FAR1: variants seen among roughly 807,000 people sequenced by gnomAD.
The protein encoded by FAR1 is male sterility domain-containing protein 2.
Under a neutral mutation model 61.1 loss-of-function variants are expected in FAR1, and 22 were observed. The ratio of observed to expected loss-of-function variants is 0.36; its 90% CI spans 0.26 to 0.51. FAR1 has a LOEUF of 0.51. Among genes scored for constraint, FAR1 ranks in the 20% least tolerant of loss-of-function variants. FAR1 has a pLI of 0.95. For missense variants in FAR1, 359 were observed against 626.9 expected, an observed-to-expected ratio of 0.57 and a Z score of 4.56; for synonymous variants, 206 against 209.7, an observed-to-expected ratio of 0.98 and a Z score of 0.15.
chr11:13,705,059 G>A (rs1316621036), intron 3 of FAR1, among the ~76,000 whole-genome samples: 2 of 152,022 alleles, frequency 1.3e-5, no homozygotes, highest in African/African-American at 2.4e-5. Context: ...ACTTCAGGTC[G>A]TTGAGCTTTT....
At position 13,695,848 on chromosome 11, in the gene FAR1, A is replaced by G. The variant is rs535742422; in HGVS notation, c.189+894A>G. Among the ~76,000 whole-genome samples the G allele has an allele frequency of 8.7e-4, 133 of 152,338 alleles. 1 individual carries two copies. Among genetic ancestry groups the G allele is most frequent in the South Asian group, 8.1e-3 (39 of 4,830 alleles). On this transcript the variant is annotated intron_variant, in intron 2 of 11. Transcript: ENST00000354817. ...CATATCACATCAGCATTTGTTTGAC[A>G]CCATGCAACAGATATTCCTCATTAT...
chr11:13,719,291 G>A (rs778827202), intron 9 of FAR1, among the ~76,000 whole-genome samples: 86 of 152,090 alleles, frequency 5.7e-4, no homozygotes, highest in Non-Finnish European at 1.0e-3. Flanking sequence ...CTTGACCTCC[G>A]GGAGCTTATA....
intron 2 of FAR1, among the ~76,000 whole-genome samples, chr11:13,699,212 C>T (rs946728177): frequency 6.6e-6 from 1 of 152,094 alleles, no homozygotes; most frequent in African/African-American, 2.4e-5. Context: ...CTATGCAGGC[C>T]CGTAACACTT....
intron 1 of FAR1, among the ~76,000 whole-genome samples, chr11:13,688,310 T>G (rs890030027): frequency 1.3e-5 from 2 of 152,114 alleles, no homozygotes; most frequent in Non-Finnish European, 2.9e-5. Context: ...TGTTAATAGC[T>G]TTGAAAGAAG....
intron 9 of FAR1, among the ~76,000 whole-genome samples, chr11:13,717,218 T>C (rs1158540178): frequency 6.6e-6 from 1 of 152,002 alleles, no homozygotes; most frequent in Non-Finnish European, 1.5e-5. Flanking sequence ...CAGGGTTTTG[T>C]CATCTAAATC....
intron 1 of FAR1, among the ~76,000 whole-genome samples, chr11:13,688,800 T>A (rs1848216925): frequency 6.6e-6 from 1 of 152,184 alleles, no homozygotes; most frequent in South Asian, 2.1e-4. Flanking sequence ...ATCTCCCATA[T>A]GAGGTTATTG....
intron 9 of FAR1, among the ~76,000 whole-genome samples, chr11:13,716,337 A>G (rs1196042274): frequency 2.0e-5 from 3 of 152,238 alleles, no homozygotes; most frequent in Non-Finnish European, 4.4e-5. Flanking sequence ...ATAACAAATC[A>G]TCTCAAACTT....
chr11:13,718,129 AC>A (rs1848574290), intron 9 of FAR1, among the ~76,000 whole-genome samples: 1 of 152,184 alleles, frequency 6.6e-6, no homozygotes. Context: ...AGTTTCTGTT[AC>A]ACATTTCTTT....
At chr11:13,725,443 TAAAA>T (rs36122577) in intron 10 of FAR1, among the ~76,000 whole-genome samples, 1 of 137,266 alleles carries the variant, frequency 7.3e-6, no homozygotes, top group African/African-American at 2.7e-5. Context: ...TTAAAAATAG[TAAAA>T]AAAAAAAAAA....
In FAR1 at chr11:13,670,773, T is replaced by C. The variant is rs531927295; in HGVS notation, c.-8+1967T>C. On this transcript the variant is annotated intron_variant, in intron 1 of 11. Coordinates refer to ENST00000354817, the MANE Select transcript of FAR1 (RefSeq NM_032228.6). ...TATGTATGCATCACTGCTATTCTAT[T>C]TGAAGCTTTTGGAATTTTTATTTAT... Among the ~76,000 whole-genome samples, 15 of 152,064 alleles carry C rather than the reference T, an allele frequency of 9.9e-5. No individual in the cohort carries two copies. The East Asian group carries it at 1.9e-3, about 20-fold the overall frequency.
intron 1 of FAR1, chr11:13,669,540 G>T (rs887928222): frequency 2.6e-5 from 4 of 152,160 alleles, no homozygotes; most frequent in Non-Finnish European, 5.9e-5. Flanking sequence ...CAGCAAACGC[G>T]GTAGATTTAT....
intron 3 of FAR1, among the ~76,000 whole-genome samples, chr11:13,702,612 G>A (rs941544716): frequency 2.6e-5 from 4 of 152,044 alleles, no homozygotes; most frequent in Middle Eastern, 3.2e-3. Flanking sequence ...CAGTAAAGTC[G>A]ATTTTTTCCC....
At chr11:13,715,057 G>A (rs1848540314) in intron 9 of FAR1, among the ~76,000 whole-genome samples, 1 of 152,126 alleles carries the variant, frequency 6.6e-6, no homozygotes, top group Non-Finnish European at 1.5e-5. Context: ...AATTCCAACA[G>A]CCTATCGCAT....
chr11:13,693,102 T>G (rs1004779187), intron 1 of FAR1, among the ~76,000 whole-genome samples: 6 of 152,176 alleles, frequency 3.9e-5, no homozygotes, highest in Admixed American at 1.3e-4. Context: ...GGTGGGGATA[T>G]CCAAGCTTTT....
Position 13,722,566 on chromosome 11 carries a change from C to T in FAR1, c.1257+707C>T, listed in dbSNP as rs529716028. ...TTGGCTCACTGCAACCTCTGCCTCC[C>T]GGGTTCAAGCGATTCTCCTGCCTCA... is the stretch of plus-strand genomic sequence containing the variant. On this transcript the variant is annotated intron_variant, in intron 10 of 11. Coordinates refer to ENST00000354817, the MANE Select transcript of FAR1 (RefSeq NM_032228.6). Among the ~76,000 whole-genome samples, 36 of 151,922 alleles carry T rather than the reference C, an allele frequency of 2.4e-4. 1 individual carries two copies. Among genetic ancestry groups the T allele is most frequent in the Admixed American group, 5.2e-4 (8 of 15,268 alleles).
intron 1 of FAR1, 66 bp from the exon 2 acceptor site, chr11:13,694,693 G>C: frequency 7.4e-7 from 1 of 1,343,476 alleles, no homozygotes; most frequent in Admixed American, 2.4e-5. Flanking sequence ...AATACCAAGA[G>C]ATTTTTAGTA....
At chr11:13,692,475 G>C (rs1220929723) in intron 1 of FAR1, among the ~76,000 whole-genome samples, 1 of 152,126 alleles carries the variant, frequency 6.6e-6, no homozygotes, top group Admixed American at 6.5e-5. Context: ...TTCCACAGCA[G>C]CTGAGCTATT....
intron 4 of FAR1, among the ~76,000 whole-genome samples, 181 bp downstream of exon 4, chr11:13,708,260 A>C (rs948800240): frequency 1.1e-4 from 16 of 151,964 alleles, no homozygotes; most frequent in African/African-American, 3.9e-4. Context: ...GCTACTTAGG[A>C]GGCTGAAGCA....
intron 3 of FAR1, among the ~76,000 whole-genome samples, chr11:13,702,693 C>T (rs1326417670): frequency 6.6e-6 from 1 of 152,128 alleles, no homozygotes; most frequent in East Asian, 1.9e-4. Flanking sequence ...TGAAGCTTAG[C>T]ATGTTTTCAT....
Sources: gnomAD v4.1 joint callset for allele counts (sites outside exome capture counted in the v4.1 genomes callset) on GRCh38, gnomAD v4.1.1 for gene constraint, MANE v1.5 for transcripts, NCBI Gene and HGNC (gene_info 2026-07-23, HGNC 2026-07-21) for gene names.